Variants in ZBBX observed in about 807,000 individuals in gnomAD.
ZBBX encodes the protein zinc finger B-box domain-containing protein 1.
Under a neutral mutation model 108.5 loss-of-function variants are expected in ZBBX, and 101 were observed. The ratio of observed to expected loss-of-function variants is 0.93; its 90% confidence interval spans 0.79 to 1.10. The LOEUF is 1.10. Among genes scored for constraint, ZBBX ranks in the 50% least tolerant of loss-of-function variants. The probability of loss-of-function intolerance (pLI) is 0.00; values close to 1 mark genes in which losing one functional copy is unlikely to be tolerated. For missense variants in ZBBX, 1,009 were observed against 941.4 expected, an observed-to-expected ratio of 1.07 and a Z score of -0.94; for synonymous variants, 356 against 323.4, an observed-to-expected ratio of 1.10 and a Z score of -1.08.
the ZBBX span, among the ~76,000 whole-genome samples, chr3:167,208,523 A>G: frequency 1.3e-5 from 2 of 152,208 alleles, no homozygotes; most frequent in Admixed American, 6.5e-5. Flanking sequence ...CCCTCATTCC[A>G]GGCCTTAGCT....
At chr3:167,304,422 C>T (rs956060341) in intron 17 of ZBBX, among the ~76,000 whole-genome samples, 5 of 152,106 alleles carry the variant, frequency 3.3e-5, no homozygotes, top group African/African-American at 1.2e-4. Context: ...TATGATCAAT[C>T]GTTTTCTTCA....
the ZBBX span, among the ~76,000 whole-genome samples, chr3:167,205,062 C>T: frequency 6.6e-6 from 1 of 152,048 alleles, no homozygotes; most frequent in South Asian, 2.1e-4. Flanking sequence ...TATGGGGGCA[C>T]AACATGAGAT....
chr3:167,287,819 ACATT>A, intron 19 of ZBBX, among the ~76,000 whole-genome samples: 1 of 152,276 alleles, frequency 6.6e-6, no homozygotes, highest in East Asian at 1.9e-4. Flanking sequence ...AATCATAAAT[ACATT>A]GTTTTCTCCC....
Position 167,316,994 on chromosome 3 carries a change from T to C in ZBBX, c.1194+11A>G, listed in dbSNP as rs1300165824. 9.9e-6 allele frequency: 15 copies of C among 1,522,122 alleles called. No individual in the cohort carries two copies. Among genetic ancestry groups the C allele is most frequent in the Non-Finnish European group, 1.4e-5 (15 of 1,103,930 alleles). The allele number at this position is 1,522,122 out of a possible 1,614,324, so 94.3% of individuals were successfully genotyped here. ...AAATCATGAATGGTCATTATGCACT[T>C]ATGCACTTACATCATCCAGTTCGAC... On this transcript the variant is annotated intron_variant, in intron 14 of 21. Coordinates refer to ENST00000675490, the MANE Select transcript of ZBBX (RefSeq NM_001199201.2).
At chr3:167,194,436 C>A in the ZBBX span, among the ~76,000 whole-genome samples, 1,337 of 152,066 alleles carry the variant, frequency 8.8e-3, 20 homozygotes, top group African/African-American at 0.03. Context: ...GCAGAGGAAG[C>A]AGGATGTATT....
the ZBBX span, among the ~76,000 whole-genome samples, chr3:167,227,167 T>A: frequency 6.6e-6 from 1 of 151,788 alleles, no homozygotes; most frequent in Non-Finnish European, 1.5e-5. Context: ...GTATGTTTCA[T>A]AAGAGCTAGA....
At position 167,310,377 on chromosome 3, in the gene ZBBX, C is replaced by T. The variant is rs1734373853; in HGVS notation, c.1417+3597G>A. On this transcript the variant is annotated intron_variant, in intron 16 of 21. Transcript: ENST00000675490. Reference sequence around the variant, plus strand: ...AGTTCTAAAGTCACTTCCACATTTTCAGGTATCTTTACAGCACTACTTCAC... The same window carrying T: ...AGTTCTAAAGTCACTTCCACATTTTTAGGTATCTTTACAGCACTACTTCAC... Among the ~76,000 whole-genome samples, 3 of 152,168 alleles carry T rather than the reference C, an allele frequency of 2.0e-5. No homozygotes were observed. In the South Asian group the frequency reaches 6.2e-4, roughly 31 times the overall value.
chr3:167,331,786 C>T (rs1011765777), intron 10 of ZBBX, among the ~76,000 whole-genome samples: 1 of 152,138 alleles, frequency 6.6e-6, no homozygotes, highest in African/African-American at 2.4e-5. Flanking sequence ...GTTTTAATAT[C>T]CCCACTTTCC....
chr3:167,206,732 T>C, the ZBBX span, among the ~76,000 whole-genome samples: 1 of 152,136 alleles, frequency 6.6e-6, no homozygotes, highest in Non-Finnish European at 1.5e-5. Context: ...TTTTCTGATT[T>C]CATATTATAT....
chr3:167,319,773 T>G (rs928427788), intron 12 of ZBBX, among the ~76,000 whole-genome samples: 5 of 152,048 alleles, frequency 3.3e-5, no homozygotes, highest in Non-Finnish European at 7.4e-5. Context: ...AACTACTGTA[T>G]GTATACATAC....
At chr3:167,355,581 T>G (rs1018302457) in intron 8 of ZBBX, among the ~76,000 whole-genome samples, 2 of 151,568 alleles carry the variant, frequency 1.3e-5, no homozygotes, top group Admixed American at 1.3e-4. Flanking sequence ...TTTATATATA[T>G]ATTCATATAT....
chr3:167,364,536 T>C (rs1440984326), intron 6 of ZBBX, among the ~76,000 whole-genome samples: 2 of 140,600 alleles, frequency 1.4e-5, no homozygotes, highest in South Asian at 2.4e-4. Context: ...GCCCTGACTT[T>C]TGACCTTGAG....
At chr3:167,203,246 G>A in the ZBBX span, among the ~76,000 whole-genome samples, 1 of 152,056 alleles carries the variant, frequency 6.6e-6, no homozygotes, top group Non-Finnish European at 1.5e-5. Context: ...TCTCGTCTGT[G>A]TGCATTCACC....
chr3:167,393,842 T>C (rs552830013), intron 1 of ZBBX, among the ~76,000 whole-genome samples: 6 of 152,036 alleles, frequency 3.9e-5, no homozygotes, highest in African/African-American at 1.4e-4. Flanking sequence ...GTAACCTTTT[T>C]ATGGTGAAGA....
chr3:167,313,535 G>A (rs1022037696), intron 16 of ZBBX, among the ~76,000 whole-genome samples: 9 of 151,840 alleles, frequency 5.9e-5, no homozygotes, highest in African/African-American at 4.8e-5. Context: ...CACCCACCTC[G>A]CCTCCCAAAA....
the ZBBX span, among the ~76,000 whole-genome samples, chr3:167,227,576 A>G: frequency 1.3e-5 from 2 of 151,816 alleles, no homozygotes; most frequent in Middle Eastern, 3.4e-3. Flanking sequence ...CATAAAAAAA[A>G]TTTTGAAACA....
chr3:167,255,106 AT>A (rs937813631), intron 20 of ZBBX, among the ~76,000 whole-genome samples: 1 of 152,176 alleles, frequency 6.6e-6, no homozygotes, highest in Non-Finnish European at 1.5e-5. Context: ...AACTCAGGTA[AT>A]AAAACTTCTA....
At chr3:167,360,068 C>T in intron 7 of ZBBX, 89 bp from the exon 8 acceptor site, 1 of 541,714 alleles carries the variant, frequency 1.8e-6, no homozygotes, top group East Asian at 3.6e-5. Context: ...GCATACTTCC[C>T]ATCTCTGTAT....
At chr3:167,305,976 G>C (rs545141179) in intron 16 of ZBBX, 26 bp from the exon 17 acceptor site, 5 of 1,441,296 alleles carry the variant, frequency 3.5e-6, no homozygotes, top group East Asian at 4.9e-5. Context: ...AGTTACAAAA[G>C]GTACATAAAT....
Sources: gnomAD v4.1 joint callset for allele counts (sites outside exome capture counted in the v4.1 genomes callset) on GRCh38, gnomAD v4.1.1 for gene constraint, MANE v1.5 for transcripts, NCBI Gene and HGNC (gene_info 2026-07-23, HGNC 2026-07-21) for gene names.